The following PATE2 variants were observed in gnomAD, a reference collection of about 807,000 sequenced individuals.
The protein encoded by PATE2 is prostate and testis expressed protein 2.
In PATE2, 7 loss-of-function variants were observed where a neutral mutation model predicts 10.5. The observed-to-expected ratio is 0.66, with a 90% CI of 0.38 to 1.25. PATE2 has a LOEUF of 1.25. Among genes scored for constraint, PATE2 ranks in the 50% most tolerant of loss-of-function variants. The pLI is 0.02. For synonymous variants in PATE2, 44 were observed against 46.9 expected (o/e 0.94, Z 0.25); for missense variants, 133 against 135.4 (o/e 0.98, Z 0.09).
intron 1 of PATE2, 45 bp downstream of exon 1, chr11:125,778,677 G>A (rs189087741): frequency 6.8e-5 from 109 of 1,612,764 alleles, no homozygotes; most frequent in Middle Eastern, 1.7e-4. Flanking sequence ...GCATCTGTCC[G>A]TCTCTTAACC....
At chr11:125,778,419 C>G (rs1337472692) in intron 2 of PATE2, 133 bp downstream of exon 2, 1 of 973,406 alleles carries the variant, frequency 1.0e-6, no homozygotes, top group South Asian at 1.6e-5. Flanking sequence ...ACAGGTCTGG[C>G]AGGAGGCGAA....
chr11:125,777,168 C>G lies in PATE2; in HGVS notation c.*214G>C. 2.0e-6 allele frequency: 1 copy of G among 502,298 alleles called. No homozygotes were observed. Among genetic ancestry groups the G allele is most frequent in the Non-Finnish European group, 3.5e-6 (1 of 286,094 alleles). 31.1% of individuals were successfully genotyped at this position (502,298 alleles called of 1,614,324 possible). A position where few individuals can be genotyped will look rare whatever the true frequency, so the allele number is the denominator to read the frequency against. On this transcript the variant is annotated 3_prime_UTR_variant, in exon 4 of 4. Transcript: ENST00000358524. ...GAGCAAAACCCCTCCCACCTGTTAGCGACAGGGATGTGCAAAGAGTGAGTC... is the reference window on the plus strand; with the variant it reads ...GAGCAAAACCCCTCCCACCTGTTAGGGACAGGGATGTGCAAAGAGTGAGTC...
intron 2 of PATE2, 30 bp from the exon 3 acceptor site, chr11:125,778,032 G>T (rs1215343176): frequency 1.2e-6 from 2 of 1,608,058 alleles, no homozygotes; most frequent in South Asian, 2.2e-5. Flanking sequence ...GTGCTTAGAG[G>T]ATGCAGTCTT....
At chr11:125,778,405 C>A in intron 2 of PATE2, 147 bp downstream of exon 2, 1 of 884,038 alleles carries the variant, frequency 1.1e-6, no homozygotes, top group Admixed American at 2.4e-5. Flanking sequence ...AAGAAATGGA[C>A]AAAACAGGTC....
rs1357009121 is a variant in PATE2, at chr11:125,778,583, A to G, written c.53-8T>C. 1 of 1,613,512 alleles carries G rather than the reference A, an allele frequency of 6.2e-7. No homozygotes were observed. Among genetic ancestry groups the G allele is most frequent in the East Asian group, 2.2e-5 (1 of 44,876 alleles). On this transcript the variant is annotated splice_polypyrimidine_tract_variant and splice_region_variant and intron_variant, in intron 1 of 3. Coordinates refer to ENST00000358524, the MANE Select transcript of PATE2 (RefSeq NM_212555.3). ...TAGGGTCATGAAGTTCACCTGTGAA[A>G]AGAAGAAAAACCTTCCATGTTACAG...
chr11:125,778,025 C>T (rs1268688807), intron 2 of PATE2, 23 bp from the exon 3 acceptor site: 2 of 1,609,628 alleles, frequency 1.2e-6, no homozygotes, highest in East Asian at 2.2e-5. Flanking sequence ...AAAAGAGGTG[C>T]TTAGAGGATG....
At chr11:125,777,740 T>C in intron 3 of PATE2, 134 bp downstream of exon 3, 1 of 1,230,628 alleles carries the variant, frequency 8.1e-7, no homozygotes, top group Non-Finnish European at 1.1e-6. Flanking sequence ...GGGAAAAGTC[T>C]GTCTTTGCCA....
Position 125,777,914 on chromosome 11 carries a change from C to T in PATE2, c.165G>A (p.Gln55=). 3 of 1,613,488 alleles carry T rather than the reference C, an allele frequency of 1.9e-6. No homozygotes were observed. Among genetic ancestry groups the T allele is most frequent in the Non-Finnish European group, 2.5e-6 (3 of 1,179,644 alleles). ...VMTSCSLKHK[Q]SCAVENFYIL... is the part of the protein sequence containing the mutation. Reference sequence around the variant, plus strand: ...TGTAAAAGTTCTCAACTGCACAGGACTGTTTATGCTTCAGGGAGCAGGATG... The same window carrying T: ...TGTAAAAGTTCTCAACTGCACAGGATTGTTTATGCTTCAGGGAGCAGGATG... Residue 55 remains glutamine (Q), a synonymous_variant, in exon 3 of 4, where the codon CAG becomes CAA. Coordinates refer to ENST00000358524, the MANE Select transcript of PATE2 (RefSeq NM_212555.3).
intron 2 of PATE2, 63 bp from the exon 3 acceptor site, chr11:125,778,065 G>C: frequency 6.4e-7 from 1 of 1,571,482 alleles, no homozygotes; most frequent in Non-Finnish European, 8.7e-7. Context: ...TGGGGCTGGG[G>C]GCTTCACTAC....
At chr11:125,778,155 T>C (rs1254399684) in intron 2 of PATE2, among the ~76,000 whole-genome samples, 153 bp from the exon 3 acceptor site, 1 of 152,062 alleles carries the variant, frequency 6.6e-6, no homozygotes, top group African/African-American at 2.4e-5. Flanking sequence ...ATAGGGATAA[T>C]CATGCTGCGG....
intron 3 of PATE2, 60 bp from the exon 4 acceptor site, chr11:125,777,578 C>T: frequency 6.3e-7 from 1 of 1,594,988 alleles, no homozygotes; most frequent in Non-Finnish European, 8.6e-7. Flanking sequence ...TTACTGCGTT[C>T]CTAGGAGTAA....
rs1943487370 is a variant in PATE2 at position 125,776,741 on chromosome 11, C to T, written c.*641G>A. 1 of 152,240 alleles carries T rather than the reference C, an allele frequency of 6.6e-6. No homozygotes were observed. Among genetic ancestry groups the T allele is most frequent in the South Asian group, 2.1e-4 (1 of 4,830 alleles). The allele number at this position is 152,240 out of a possible 1,614,324, so 9.4% of individuals were successfully genotyped here. The stretch of plus-strand genomic sequence containing the variant: ...AATGATAATTCAAGCCAATTCCACC[C>T]ACAGCAAGTTATTTCTCAGATCTTA... On this transcript the variant is annotated 3_prime_UTR_variant, in exon 4 of 4. Transcript: ENST00000358524.
At chr11:125,777,623 C>G (rs1486396964) in intron 3 of PATE2, 105 bp from the exon 4 acceptor site, 5 of 1,417,968 alleles carry the variant, frequency 3.5e-6, no homozygotes, top group Non-Finnish European at 4.8e-6. Context: ...TTTCTCTAGG[C>G]CCAAATGAGT....
intron 2 of PATE2, 57 bp from the exon 3 acceptor site, chr11:125,778,059 GC>G: frequency 6.3e-7 from 1 of 1,583,854 alleles, no homozygotes; most frequent in African/African-American, 1.3e-5. Flanking sequence ...ATTCTCTGGG[GC>G]TGGGGGCTTC....
rs781416387 is a variant in PATE2, at chr11:125,777,860, A to C, written c.205+14T>G. 2.5e-6 allele frequency: 4 copies of C among 1,612,364 alleles called. No homozygotes were observed. The highest frequency in any genetic ancestry group is 3.3e-5 in the Admixed American group (2 of 59,788). On this transcript the variant is annotated intron_variant, in intron 3 of 3. Transcript: ENST00000358524. ...GTGGTGGTGATTTTCCAGTCACTCT[A>C]TACTCCACATTACCTTTCCTTGTAA...
At position 125,778,013 on chromosome 11, in the gene PATE2, CAAA is replaced by C; in HGVS notation, c.77-14_77-12del. 1.2e-6 allele frequency: 2 copies of C among 1,611,420 alleles called. No individual in the cohort carries two copies. Among genetic ancestry groups the C allele is most frequent in the Non-Finnish European group, 1.7e-6 (2 of 1,179,016 alleles). On this transcript the variant is annotated splice_polypyrimidine_tract_variant and intron_variant, in intron 2 of 3. Transcript: ENST00000358524. ...ACATTATTTCAGTCGCTGCCAGATACAAAAAGAGGTGCTTAGAGGATGCAGTCT... is the reference window on the plus strand; with the variant it reads ...ACATTATTTCAGTCGCTGCCAGATACAAGAGGTGCTTAGAGGATGCAGTCT...
intron 3 of PATE2, 84 bp downstream of exon 3, chr11:125,777,790 C>G: frequency 2.0e-6 from 3 of 1,506,884 alleles, no homozygotes; most frequent in Non-Finnish European, 2.7e-6. Context: ...TCCCATTCAC[C>G]TACTCACGCT....
intron 3 of PATE2, 79 bp downstream of exon 3, chr11:125,777,795 C>CA: frequency 6.5e-7 from 1 of 1,530,916 alleles, no homozygotes; most frequent in Non-Finnish European, 8.9e-7. Flanking sequence ...TTCACCTACT[C>CA]ACGCTGAGGG....
intron 2 of PATE2, 85 bp from the exon 3 acceptor site, chr11:125,778,087 C>T (rs1365081): frequency 0.18 from 266,283 of 1,450,762 alleles, 25,226 homozygotes; most frequent in East Asian, 0.29. Flanking sequence ...GGACCTTATT[C>T]TTGCCTAGTG....
Sources: gnomAD v4.1 joint callset for allele counts (sites outside exome capture counted in the v4.1 genomes callset) on GRCh38, gnomAD v4.1.1 for gene constraint, MANE v1.5 for transcripts, NCBI Gene and HGNC (gene_info 2026-07-23, HGNC 2026-07-21) for gene names.